The following FLRT2 variants were observed in gnomAD, a reference collection of about 807,000 sequenced individuals.
FLRT2 encodes the protein leucine-rich repeat transmembrane protein FLRT2.
A neutral mutation model predicts 40.0 loss-of-function variants in FLRT2; 15 were observed. The ratio of observed to expected loss-of-function variants is 0.38; its 90% CI spans 0.25 to 0.58. The LOEUF (loss-of-function observed/expected upper bound fraction) is 0.58. Among genes scored for constraint, FLRT2 ranks in the 20% least tolerant of loss-of-function variants. The pLI, the probability that FLRT2 is intolerant of heterozygous loss-of-function variation, is 0.71. For synonymous variants in FLRT2, 380 were observed against 336.8 expected (o/e 1.13, Z -1.41); for missense variants, 726 against 840.0 (o/e 0.86, Z 1.68).
chr14:85,575,315 A>C lies in FLRT2; in HGVS notation c.-377+44781A>C, dbSNP rs76706002. 9.2e-3 allele frequency among the ~76,000 whole-genome samples: 1,399 copies of C among 151,998 alleles called. 21 individuals are homozygous for C. The highest frequency in any genetic ancestry group is 0.032 in the African/African-American group (1,328 of 41,438). ...TTCCTCTCTGTCTGCAGGTGAGGAC[A>C]GTTTGATTAGTTCTTACAACATTTT... On this transcript the variant is annotated intron_variant, in intron 1 of 1. Transcript: ENST00000330753.
In FLRT2 at chr14:85,646,907, G is replaced by A. The variant is rs1894320198; in HGVS notation, c.*23410G>A. 6.6e-6 allele frequency: 1 copy of A among 152,194 alleles called. No homozygotes were observed. The highest frequency in any genetic ancestry group is 1.5e-5 in the Non-Finnish European group (1 of 68,064). The allele number at this position is 152,194 out of a possible 1,614,324, so 9.4% of individuals were successfully genotyped here. A position where few individuals can be genotyped will look rare whatever the true frequency, so the allele number is the denominator to read the frequency against. On this transcript the variant is annotated 3_prime_UTR_variant, in exon 2 of 2. Transcript: ENST00000330753. Reference sequence around the variant, plus strand: ...TGGACCAGAACTGAAGTTTAAGGAAGGGGCTTAAGATATGGAAGTTGCCTG... The same window carrying A: ...TGGACCAGAACTGAAGTTTAAGGAAAGGGCTTAAGATATGGAAGTTGCCTG...
At position 85,643,632 on chromosome 14, in the gene FLRT2, A is replaced by G. The variant is rs1426557626; in HGVS notation, c.*20135A>G. On this transcript the variant is annotated 3_prime_UTR_variant, in exon 2 of 2. Transcript: ENST00000330753. The stretch of plus-strand genomic sequence containing the variant: ...GCTCTCAAACTCCTGACCTCAGGTG[A>G]TCCACCCGCCTCAGCTTCCCAAATC... The G allele has an allele frequency of 1.3e-5, 2 of 152,202 alleles. No individual in the cohort carries two copies. Among genetic ancestry groups the G allele is most frequent in the Non-Finnish European group, 2.9e-5 (2 of 68,164 alleles). 9.4% of individuals were successfully genotyped at this position (152,202 alleles called of 1,614,324 possible). A position where few individuals can be genotyped will look rare whatever the true frequency, so the allele number is the denominator to read the frequency against.
At chr14:85,590,667 T>G (rs1287429574) in intron 1 of FLRT2, among the ~76,000 whole-genome samples, 3 of 152,176 alleles carry the variant, frequency 2.0e-5, no homozygotes, top group Non-Finnish European at 4.4e-5. Flanking sequence ...TGGTGCGGTC[T>G]CGGCTCACTG....
chr14:85,589,857 T>G (rs780949755), intron 1 of FLRT2, among the ~76,000 whole-genome samples: 15 of 152,180 alleles, frequency 9.9e-5, no homozygotes, highest in Non-Finnish European at 2.1e-4. Flanking sequence ...TACCATTTAT[T>G]GAAGAGACTG....
At chr14:85,559,254 G>C (rs1229577006) in intron 1 of FLRT2, 1 of 152,242 alleles carries the variant, frequency 6.6e-6, no homozygotes, top group Non-Finnish European at 1.5e-5. Flanking sequence ...CTATGATGGG[G>C]GAGGCTGTGT....
intron 1 of FLRT2, among the ~76,000 whole-genome samples, chr14:85,617,486 T>A (rs1210541603): frequency 1.3e-5 from 2 of 152,172 alleles, no homozygotes; most frequent in African/African-American, 2.4e-5. Context: ...GGATGAGAAC[T>A]CAGGATCTAT....
chr14:85,567,752 C>T (rs1005316548), intron 1 of FLRT2, among the ~76,000 whole-genome samples: 6 of 150,920 alleles, frequency 4.0e-5, no homozygotes, highest in Admixed American at 6.6e-5. Flanking sequence ...GTGATTCTTC[C>T]GCCTCAGCCC....
intron 1 of FLRT2, among the ~76,000 whole-genome samples, chr14:85,541,836 G>A (rs1000903489): frequency 6.6e-6 from 1 of 152,140 alleles, no homozygotes; most frequent in African/African-American, 2.4e-5. Context: ...TCACAGCCAT[G>A]TGTCCTTCTG....
chr14:85,532,575 T>C (rs1183421781), intron 1 of FLRT2, among the ~76,000 whole-genome samples: 1 of 152,220 alleles, frequency 6.6e-6, no homozygotes, highest in Non-Finnish European at 1.5e-5. Context: ...AATCTTTCTT[T>C]GTCCGCTGCA....
At position 85,627,108 on chromosome 14, in the gene FLRT2, A is replaced by C. The variant is rs1162090072; in HGVS notation, c.*3611A>C. 1.2e-5 allele frequency: 2 copies of C among 167,198 alleles called. No individual in the cohort carries two copies. The highest frequency in any genetic ancestry group is 3.9e-4 in the East Asian group (2 of 5,182). 10.4% of individuals were successfully genotyped at this position (167,198 alleles called of 1,614,324 possible). A position where few individuals can be genotyped will look rare whatever the true frequency, so the allele number is the denominator to read the frequency against. ...AATTCCCATTGGTGTCTTTGCTTAT[A>C]GCATTTTTCTCTAACCTATAACAAG... On this transcript the variant is annotated 3_prime_UTR_variant, in exon 2 of 2. Transcript: ENST00000330753.
chr14:85,648,354 C>T lies in FLRT2; in HGVS notation c.*24857C>T, dbSNP rs959457663. ...AGCCCACATGTGCATTTCCCAGAGT[C>T]CCTTGTTGCTAGGGGGCTGAATGCG... On this transcript the variant is annotated 3_prime_UTR_variant, in exon 2 of 2. Coordinates refer to ENST00000330753, the MANE Select transcript of FLRT2 (RefSeq NM_013231.6). 3 of 152,160 alleles carry T rather than the reference C, an allele frequency of 2.0e-5. No individual in the cohort carries two copies. Among genetic ancestry groups the T allele is most frequent in the Non-Finnish European group, 4.4e-5 (3 of 68,044 alleles). The allele number at this position is 152,160 out of a possible 1,614,324, so 9.4% of individuals were successfully genotyped here.
At chr14:85,595,470 A>G (rs2139324117) in intron 1 of FLRT2, among the ~76,000 whole-genome samples, 1 of 150,844 alleles carries the variant, frequency 6.6e-6, no homozygotes. Context: ...AAAATGCCCG[A>G]CAAGGTGCTT....
At chr14:85,531,898 C>T (rs1888305620) in intron 1 of FLRT2, among the ~76,000 whole-genome samples, 1 of 152,212 alleles carries the variant, frequency 6.6e-6, no homozygotes, top group African/African-American at 2.4e-5. Flanking sequence ...GCGCGTGTGC[C>T]AGCGTGCGTC....
chr14:85,595,532 A>T (rs1204647753), intron 1 of FLRT2, among the ~76,000 whole-genome samples: 2 of 151,782 alleles, frequency 1.3e-5, no homozygotes, highest in Admixed American at 1.3e-4. Flanking sequence ...AAGTATATAT[A>T]TGTGCTTGTT....
intron 1 of FLRT2, among the ~76,000 whole-genome samples, chr14:85,605,369 T>C (rs992854499): frequency 6.6e-6 from 1 of 152,232 alleles, no homozygotes; most frequent in Non-Finnish European, 1.5e-5. Context: ...TTAAGGCTGA[T>C]AGAACCATGA....
rs928073141 is a variant in FLRT2 at position 85,648,178 on chromosome 14, A to T, written c.*24681A>T. The T allele has an allele frequency of 6.6e-6, 1 of 152,152 alleles. No individual in the cohort carries two copies. Among genetic ancestry groups the T allele is most frequent in the African/African-American group, 2.4e-5 (1 of 41,436 alleles). 9.4% of individuals were successfully genotyped at this position (152,152 alleles called of 1,614,324 possible). A position where few individuals can be genotyped will look rare whatever the true frequency, so the allele number is the denominator to read the frequency against. ...TAAGCCTCATTCTAATTGCATAAGG[A>T]ATAGTTACTGTATGTTAGGCAGGTG... On this transcript the variant is annotated 3_prime_UTR_variant, in exon 2 of 2. Coordinates refer to ENST00000330753, the MANE Select transcript of FLRT2 (RefSeq NM_013231.6).
rs116388644 is a variant in FLRT2 at position 85,577,768 on chromosome 14, A to C, written c.-376-43371A>C. ...CACCTGGCTAAGGTTTTTTGTAGAC[A>C]TGGAGTCTCACAGTGTTGCCCAGGC... is the stretch of plus-strand genomic sequence containing the variant. On this transcript the variant is annotated intron_variant, in intron 1 of 1. Coordinates refer to ENST00000330753, the MANE Select transcript of FLRT2 (RefSeq NM_013231.6). Among the ~76,000 whole-genome samples the C allele has an allele frequency of 3.0e-3, 458 of 152,040 alleles. 4 individuals carry two copies. Among genetic ancestry groups the C allele is most frequent in the African/African-American group, 0.01 (426 of 41,488 alleles).
In FLRT2 at chr14:85,624,749, A is replaced by G. The variant is rs1893598313; in HGVS notation, c.*1252A>G. On this transcript the variant is annotated 3_prime_UTR_variant, in exon 2 of 2. Transcript: ENST00000330753. Reference sequence around the variant, plus strand: ...TGGATGCCAGTCTTGGCTGCACAAGATATCCATTACGTACTTATACATTTT... The same window carrying G: ...TGGATGCCAGTCTTGGCTGCACAAGGTATCCATTACGTACTTATACATTTT... 6.0e-6 allele frequency: 1 copy of G among 166,990 alleles called. No individual in the cohort carries two copies. The highest frequency in any genetic ancestry group is 6.5e-5 in the Admixed American group (1 of 15,276). 10.3% of individuals were successfully genotyped at this position (166,990 alleles called of 1,614,324 possible).
rs1893361725 is a variant in FLRT2, at chr14:85,621,139, A to T, written c.-376A>T. On this transcript the variant is annotated splice_region_variant and 5_prime_UTR_variant, in exon 2 of 2. Transcript: ENST00000330753. ...TTTCCTCTTTTCTTTCCTGCAACAG[A>T]TTGCAGATTGAGCTTAACCAAGAAG... 1 of 231,730 alleles carries T rather than the reference A, an allele frequency of 4.3e-6. No homozygotes were observed. The highest frequency in any genetic ancestry group is 8.5e-6 in the Non-Finnish European group (1 of 118,274). The allele number at this position is 231,730 out of a possible 1,614,324, so 14.4% of individuals were successfully genotyped here.
Sources: allele counts gnomAD v4.1 joint callset (sites outside exome capture counted in the v4.1 genomes callset), GRCh38; gene constraint gnomAD v4.1.1; transcripts MANE v1.5; gene names NCBI Gene and HGNC (gene_info 2026-07-23, HGNC 2026-07-21).